The following DENND4A variants were observed in gnomAD, a reference collection of about 807,000 sequenced individuals.
The protein encoded by DENND4A is C-myc promoter-binding protein.
DENND4A carries 70 observed loss-of-function variants against 199.3 expected under a neutral mutation model. That is an observed-to-expected ratio of 0.35 (90% confidence interval 0.29 to 0.43). DENND4A has a LOEUF of 0.43. Among genes scored for constraint, DENND4A ranks in the 20% least tolerant of loss-of-function variants. The pLI is 1.00. For synonymous variants in DENND4A, 686 were observed against 766.9 expected (o/e 0.89, Z 1.74); for missense variants, 1,723 against 2,255.8 (o/e 0.76, Z 4.78).
intron 29 of DENND4A, among the ~76,000 whole-genome samples, chr15:65,666,155 G>A (rs929289749): frequency 5.3e-5 from 8 of 152,042 alleles, no homozygotes; most frequent in African/African-American, 7.2e-5. Flanking sequence ...AGATAGTACC[G>A]AACCCTATAT....
rs1293212276 is a variant in DENND4A at position 65,691,032 on chromosome 15, T to G, written c.3562A>C (p.Lys1188Gln). Reference sequence around the variant, plus strand: ...CTGCTGTTCATACGTTGAATCCTCTTGGGATTTTGTGTAGCAACACATCCT... The same window carrying G: ...CTGCTGTTCATACGTTGAATCCTCTGGGGATTTTGTGTAGCAACACATCCT... ...KAGCVATQNPKRIQRMNSSFS... is the reference protein window; with the variant it reads ...KAGCVATQNPQRIQRMNSSFS... The change falls in exon 23 of 33, where the codon AAG becomes CAG. Residue 1188 changes from lysine (K) to glutamine (Q), a missense_variant. Physicochemically the swap from Lys to Gln is moderately conservative, Grantham distance 53. Around this residue, in one of 6 missense-constraint regions of DENND4A, gnomAD observed 650 missense variants for 738.1 expected, o/e 0.88. Coordinates refer to ENST00000443035, the MANE Select transcript of DENND4A (RefSeq NM_001320835.1). The G allele has an allele frequency of 6.2e-7, 1 of 1,612,404 alleles. No individual in the cohort carries two copies. Among genetic ancestry groups the G allele is most frequent in the Admixed American group, 1.7e-5 (1 of 59,690 alleles).
At chr15:65,788,574 A>G (rs1596721674) in intron 1 of DENND4A, among the ~76,000 whole-genome samples, 2 of 152,136 alleles carry the variant, frequency 1.3e-5, no homozygotes, top group African/African-American at 4.8e-5. Flanking sequence ...CTTTGTAATT[A>G]TAAGAGTAAT....
intron 20 of DENND4A, among the ~76,000 whole-genome samples, chr15:65,698,731 T>A (rs2077243594): frequency 1.6e-5 from 2 of 121,766 alleles, no homozygotes; most frequent in African/African-American, 7.7e-5. Flanking sequence ...ATAGCCTTTT[T>A]TTTTTTTTTT....
chr15:65,722,728 CCTTTAAAATGGTAA>C, intron 12 of DENND4A, 106 bp downstream of exon 12: 2 of 689,212 alleles, frequency 2.9e-6, no homozygotes, highest in Non-Finnish European at 4.3e-6. Context: ...TGATCATCTG[CCTTTAAAATGGTAA>C]AACCGCTTTC....
chr15:65,739,975 G>A (rs1310793934), intron 5 of DENND4A, among the ~76,000 whole-genome samples: 3 of 152,158 alleles, frequency 2.0e-5, no homozygotes, highest in Non-Finnish European at 4.4e-5. Context: ...GAACTCAGGA[G>A]TTCAAGACCA....
At position 65,715,643 on chromosome 15, in the gene DENND4A, A is replaced by G. The variant is rs1313814591; in HGVS notation, c.1808-20T>C. The G allele has an allele frequency of 2.0e-6, 3 of 1,521,274 alleles. No homozygotes were observed. Among genetic ancestry groups the G allele is most frequent in the Non-Finnish European group, 1.8e-6 (2 of 1,137,378 alleles). 94.2% of individuals were successfully genotyped at this position (1,521,274 alleles called of 1,614,324 possible). A position where few individuals can be genotyped will look rare whatever the true frequency, so the allele number is the denominator to read the frequency against. Reference sequence around the variant, plus strand: ...AGAAAGCTGTTCAACAAAAATATATAATGTCAGAATACATAATATCATTCA... The same window carrying G: ...AGAAAGCTGTTCAACAAAAATATATGATGTCAGAATACATAATATCATTCA... On this transcript the variant is annotated intron_variant, in intron 13 of 32. Transcript: ENST00000443035.
At chr15:65,674,601 C>T (rs893859970) in intron 24 of DENND4A, among the ~76,000 whole-genome samples, 2 of 151,948 alleles carry the variant, frequency 1.3e-5, no homozygotes, top group South Asian at 2.1e-4. Context: ...AAAAAATAGC[C>T]GGGTGTGCTG....
intron 14 of DENND4A, 27 bp from the exon 15 acceptor site, chr15:65,706,251 A>G: frequency 1.4e-6 from 2 of 1,460,566 alleles, no homozygotes; most frequent in South Asian, 1.5e-5. Flanking sequence ...AACATATATT[A>G]AAAAAGCCAC....
At chr15:65,768,829 C>T (rs1567094483) in intron 1 of DENND4A, among the ~76,000 whole-genome samples, 1 of 150,736 alleles carries the variant, frequency 6.6e-6, no homozygotes, top group African/African-American at 2.4e-5. Context: ...CTAAAAAATA[C>T]AAAAAAAAGA....
chr15:65,737,567 T>C, intron 7 of DENND4A, 140 bp downstream of exon 7: 1 of 772,298 alleles, frequency 1.3e-6, no homozygotes, highest in Admixed American at 3.0e-5. Context: ...GGAGAAATAC[T>C]ACCTGACTGA....
rs1555428458 is a variant in DENND4A, at chr15:65,732,837, TGTAA to T, written c.1041-23_1041-20del. On this transcript the variant is annotated intron_variant, in intron 7 of 32. Coordinates refer to ENST00000443035, the MANE Select transcript of DENND4A (RefSeq NM_001320835.1). The stretch of plus-strand genomic sequence containing the variant: ...AATATGCCTTGAAAACAAACAAAAG[TGTAA>T]GTGATTCCAAAGTGAACGTCATATG... 8.8e-6 allele frequency: 13 copies of T among 1,479,854 alleles called. No individual in the cohort carries two copies. The highest frequency in any genetic ancestry group is 5.8e-5 in the South Asian group (5 of 86,006). 91.7% of individuals were successfully genotyped at this position (1,479,854 alleles called of 1,614,324 possible). A position where few individuals can be genotyped will look rare whatever the true frequency, so the allele number is the denominator to read the frequency against.
At chr15:65,727,411 T>G (rs1166914643) in intron 11 of DENND4A, among the ~76,000 whole-genome samples, 1 of 132,168 alleles carries the variant, frequency 7.6e-6, no homozygotes, top group Non-Finnish European at 1.5e-5. Context: ...TGAGATCGCA[T>G]CACTGCACTC....
At chr15:65,719,719 T>A (rs1454436796) in intron 12 of DENND4A, among the ~76,000 whole-genome samples, 1 of 132,112 alleles carries the variant, frequency 7.6e-6, no homozygotes, top group Non-Finnish European at 1.5e-5. Context: ...TGAGATCCCA[T>A]CTCTACAGAA....
In DENND4A at chr15:65,756,483, A is replaced by G. The variant is rs201461806; in HGVS notation, c.-22-11T>C. On this transcript the variant is annotated splice_polypyrimidine_tract_variant and intron_variant, in intron 2 of 32. Transcript: ENST00000443035. Reference sequence around the variant, plus strand: ...TACAGAAGGTTACATCTAAAAGGAAAGTAAAAGACTAGTACTCCCCTATAA... The same window carrying G: ...TACAGAAGGTTACATCTAAAAGGAAGGTAAAAGACTAGTACTCCCCTATAA... 2.2e-4 allele frequency: 339 copies of G among 1,554,150 alleles called. 2 individuals carry two copies. In the African/African-American group the frequency reaches 4.2e-3, roughly 19 times the overall value.
chr15:65,663,217 T>TTTTTTTA (rs1566978904), intron 32 of DENND4A, among the ~76,000 whole-genome samples: 26 of 145,202 alleles, frequency 1.8e-4, no homozygotes, highest in African/African-American at 6.4e-4. Flanking sequence ...TTTTTATTTT[T>TTTTTTTA]TTTTTTGGTT....
At chr15:65,709,716 A>T (rs1300167707) in intron 14 of DENND4A, among the ~76,000 whole-genome samples, 2 of 127,228 alleles carry the variant, frequency 1.6e-5, no homozygotes, top group Admixed American at 8.0e-5. Flanking sequence ...AAAAAAAAAA[A>T]AAAATATATA....
At chr15:65,667,725 T>C (rs750854266) in intron 28 of DENND4A, 22 bp from the exon 29 acceptor site, 3 of 1,592,702 alleles carry the variant, frequency 1.9e-6, no homozygotes, top group Non-Finnish European at 8.5e-7. Context: ...ATAAAAACCA[T>C]AAATGGCAAA....
intron 23 of DENND4A, among the ~76,000 whole-genome samples, chr15:65,678,053 G>A (rs907150272): frequency 1.3e-5 from 2 of 149,114 alleles, no homozygotes; most frequent in South Asian, 2.2e-4. Flanking sequence ...TCAGCCTCCC[G>A]AATAGCTGGG....
chr15:65,770,566 T>C (rs1401244028), intron 1 of DENND4A, among the ~76,000 whole-genome samples: 1 of 152,206 alleles, frequency 6.6e-6, no homozygotes, highest in African/African-American at 2.4e-5. Context: ...TATCTCAATA[T>C]ATATTTTGGA....
Sources: gnomAD v4.1 joint callset for allele counts (sites outside exome capture counted in the v4.1 genomes callset) on GRCh38, gnomAD v4.1.1 for gene constraint, gnomAD v4.1.1 regional missense constraint, MANE v1.5 for transcripts, NCBI Gene and HGNC (gene_info 2026-07-23, HGNC 2026-07-21) for gene names.